The following PIK3AP1 variants were observed in gnomAD, a reference collection of about 807,000 sequenced individuals.
The protein encoded by PIK3AP1 is phosphoinositide-3-kinase adaptor protein 1, also known as phosphoinositide 3-kinase adapter protein 1.
A neutral mutation model predicts 88.1 loss-of-function variants in PIK3AP1; 21 were observed. That is an observed-to-expected ratio of 0.24 (90% CI 0.17 to 0.34). The LOEUF is 0.34. Ranked by LOEUF, PIK3AP1 falls within the 10% of genes least tolerant of loss-of-function variation. The pLI is 1.00. For missense variants in PIK3AP1, 828 were observed against 1,035.7 expected (o/e 0.80, Z 2.75); for synonymous variants, 398 against 400.0 (o/e 1.00, Z 0.06).
chr10:96,596,824 A>G (rs1483960956), intron 16 of PIK3AP1, among the ~76,000 whole-genome samples: 1 of 152,362 alleles, frequency 6.6e-6, no homozygotes, highest in South Asian at 2.1e-4. Context: ...AAGCAAGTCA[A>G]TAAGTCAAGA....
At chr10:96,669,508 AGGCCG>A (rs2134251934) in intron 2 of PIK3AP1, 1 of 152,132 alleles carries the variant, frequency 6.6e-6, no homozygotes, top group South Asian at 2.1e-4. Context: ...AAAAACAGGG[AGGCCG>A]GGCGCGGTGG....
chr10:96,716,437 T>C (rs571392295), intron 1 of PIK3AP1, among the ~76,000 whole-genome samples: 1 of 152,298 alleles, frequency 6.6e-6, no homozygotes, highest in South Asian at 2.1e-4. Context: ...CACTAACCTG[T>C]GGTGTGACTT....
Position 96,626,786 on chromosome 10 carries a change from G to T in PIK3AP1, c.1591C>A (p.Pro531Thr). Residue 531 changes from proline to threonine, a missense_variant, in exon 10 of 17, where the codon CCT (proline) becomes ACT (threonine). Around this residue, in one of 3 missense-constraint regions of PIK3AP1, gnomAD observed 610 missense variants for 760.1 expected, o/e 0.80. Transcript: ENST00000339364. The part of the protein sequence containing the change: ...AFSVDLASRP[P>T]VPVPRPETTA... ...GTCTCTGGTCTGGGCACTGGGACAGGGGGCCTGCTGGCCAGGTCCACAGAA... is the reference window on the plus strand; with the variant it reads ...GTCTCTGGTCTGGGCACTGGGACAGTGGGCCTGCTGGCCAGGTCCACAGAA... 2 of 1,614,232 alleles carry T rather than the reference G, an allele frequency of 1.2e-6. No individual in the cohort carries two copies. Among genetic ancestry groups the T allele is most frequent in the Non-Finnish European group, 1.7e-6 (2 of 1,180,028 alleles).
intron 1 of PIK3AP1, among the ~76,000 whole-genome samples, chr10:96,718,937 C>T (rs1000980865): frequency 5.3e-5 from 8 of 152,178 alleles, no homozygotes; most frequent in African/African-American, 1.9e-4. Flanking sequence ...GCACTCTTCC[C>T]CAAAGAGCCT....
At chr10:96,636,057 A>G (rs1019789768) in intron 8 of PIK3AP1, among the ~76,000 whole-genome samples, 8 of 152,028 alleles carry the variant, frequency 5.3e-5, no homozygotes, top group African/African-American at 1.7e-4. Flanking sequence ...AACAAACAAC[A>G]ACAACAACAA....
chr10:96,644,603 A>C (rs1843435044), intron 8 of PIK3AP1, among the ~76,000 whole-genome samples: 1 of 152,164 alleles, frequency 6.6e-6, no homozygotes. Flanking sequence ...GCATTGGAAA[A>C]AACAAGATAA....
chr10:96,607,269 A>G (rs905674890), intron 14 of PIK3AP1, among the ~76,000 whole-genome samples: 1 of 152,166 alleles, frequency 6.6e-6, no homozygotes, highest in Non-Finnish European at 1.5e-5. Context: ...AGGAAGACAT[A>G]GATGTGAATT....
intron 2 of PIK3AP1, among the ~76,000 whole-genome samples, chr10:96,701,409 C>T (rs890821594): frequency 2.0e-5 from 3 of 152,186 alleles, no homozygotes; most frequent in African/African-American, 7.2e-5. Flanking sequence ...AATCATTTAA[C>T]CTCTCTGAAC....
At chr10:96,628,719 A>T (rs941624978) in intron 8 of PIK3AP1, among the ~76,000 whole-genome samples, 2 of 151,768 alleles carry the variant, frequency 1.3e-5, no homozygotes, top group African/African-American at 4.8e-5. Context: ...CACAGGTCTC[A>T]AAGGGTAAAG....
At position 96,686,733 on chromosome 10, in the gene PIK3AP1, G is replaced by T. The variant is rs117195701; in HGVS notation, c.430+22834C>A. 3.4e-3 allele frequency among the ~76,000 whole-genome samples: 519 copies of T among 151,962 alleles called. 8 individuals carry two copies. The highest frequency in any genetic ancestry group is 0.025 in the East Asian group (132 of 5,180). On this transcript the variant is annotated intron_variant, in intron 2 of 16. Coordinates refer to ENST00000339364, the MANE Select transcript of PIK3AP1 (RefSeq NM_152309.3). The stretch of plus-strand genomic sequence containing the variant: ...ACAGAGACAGCACAGTCAGGTTCCT[G>T]CAGACTGCGTGTGCAGCTGTGCGTC...
chr10:96,698,417 G>A (rs1251836354), intron 2 of PIK3AP1, among the ~76,000 whole-genome samples: 4 of 152,130 alleles, frequency 2.6e-5, no homozygotes, highest in East Asian at 3.9e-4. Flanking sequence ...TTGAGAGGCT[G>A]AGGCAGATGG....
intron 14 of PIK3AP1, among the ~76,000 whole-genome samples, chr10:96,605,769 C>A (rs1252725025): frequency 1.3e-5 from 2 of 152,172 alleles, no homozygotes; most frequent in East Asian, 3.9e-4. Context: ...TTTCTATAAT[C>A]CAGGGGATGC....
At chr10:96,715,850 A>G (rs999126205) in intron 1 of PIK3AP1, among the ~76,000 whole-genome samples, 2 of 151,706 alleles carry the variant, frequency 1.3e-5, no homozygotes, top group African/African-American at 4.8e-5. Context: ...AGATCATGCC[A>G]CTGCACTCCA....
intron 8 of PIK3AP1, among the ~76,000 whole-genome samples, chr10:96,638,748 G>A (rs1432474125): frequency 1.3e-5 from 2 of 152,188 alleles, no homozygotes; most frequent in Non-Finnish European, 2.9e-5. Context: ...AGTCCCACCT[G>A]CATTCTCAAA....
intron 8 of PIK3AP1, among the ~76,000 whole-genome samples, chr10:96,642,266 A>T (rs1347595664): frequency 6.6e-6 from 1 of 152,102 alleles, no homozygotes; most frequent in Non-Finnish European, 1.5e-5. Context: ...CTATATGAAA[A>T]ATACAAAAAA....
At chr10:96,605,138 G>A (rs148066396) in intron 14 of PIK3AP1, among the ~76,000 whole-genome samples, 18 of 152,344 alleles carry the variant, frequency 1.2e-4, no homozygotes, top group African/African-American at 4.3e-4. Context: ...GATTACAGGT[G>A]TGAGCTACCA....
chr10:96,705,544 T>G (rs944855012), intron 2 of PIK3AP1, among the ~76,000 whole-genome samples: 1 of 152,054 alleles, frequency 6.6e-6, no homozygotes, highest in Non-Finnish European at 1.5e-5. Context: ...TCTCTACTAT[T>G]AATTCATCCC....
intron 3 of PIK3AP1, among the ~76,000 whole-genome samples, chr10:96,655,214 G>A (rs1162146125): frequency 6.6e-6 from 1 of 152,156 alleles, no homozygotes; most frequent in Admixed American, 6.5e-5. Context: ...AAAATACTAT[G>A]CAGTCTAGAC....
chr10:96,700,296 C>T (rs2134282628), intron 2 of PIK3AP1, among the ~76,000 whole-genome samples: 1 of 152,216 alleles, frequency 6.6e-6, no homozygotes, highest in African/African-American at 2.4e-5. Flanking sequence ...TGCAGGAAAA[C>T]TGTAATCCTG....
Sources: gnomAD v4.1 joint callset for allele counts (sites outside exome capture counted in the v4.1 genomes callset) on GRCh38, gnomAD v4.1.1 for gene constraint, gnomAD v4.1.1 regional missense constraint, MANE v1.5 for transcripts, NCBI Gene and HGNC (gene_info 2026-07-23, HGNC 2026-07-21) for gene names.